Variants in NAV2 observed in about 807,000 individuals in gnomAD.
NAV2 encodes the protein neuron navigator 2, also known as helicase, APC down-regulated 1.
NAV2 carries 54 observed loss-of-function variants against 223.2 expected under a neutral mutation model. The ratio of observed to expected loss-of-function variants is 0.24; its 90% CI spans 0.19 to 0.30. NAV2 has a LOEUF of 0.30. Ranked by LOEUF, NAV2 falls within the 10% of genes least tolerant of loss-of-function variation. NAV2 has a pLI of 1.00. For missense variants in NAV2, 2,806 were observed against 3,147.5 expected (o/e 0.89, Z 2.60); for synonymous variants, 1,279 against 1,239.3 (o/e 1.03, Z -0.67).
At chr11:19,404,604 C>T (rs1849818353) in intron 1 of NAV2, among the ~76,000 whole-genome samples, 1 of 152,084 alleles carries the variant, frequency 6.6e-6, no homozygotes, top group Non-Finnish European at 1.5e-5. Flanking sequence ...GTATGGTATA[C>T]TGCATTGCAA....
At chr11:20,019,524 A>G (rs1311133795) in intron 11 of NAV2, among the ~76,000 whole-genome samples, 2 of 152,168 alleles carry the variant, frequency 1.3e-5, no homozygotes, top group African/African-American at 4.8e-5. Context: ...TTCACCTAGT[A>G]TTTGAAGCCA....
intron 6 of NAV2, among the ~76,000 whole-genome samples, chr11:19,929,551 G>A (rs1027575898): frequency 1.3e-5 from 2 of 152,158 alleles, no homozygotes; most frequent in African/African-American, 4.8e-5. Flanking sequence ...ACCTTTTATA[G>A]TCGTAATGAG....
At chr11:19,875,116 C>T (rs1269698324) in intron 4 of NAV2, among the ~76,000 whole-genome samples, 4 of 152,138 alleles carry the variant, frequency 2.6e-5, no homozygotes, top group Non-Finnish European at 5.9e-5. Flanking sequence ...GGGATTGTGC[C>T]ACTGCACTCC....
intron 1 of NAV2, among the ~76,000 whole-genome samples, chr11:19,482,187 G>A (rs967070785): frequency 6.6e-6 from 1 of 152,090 alleles, no homozygotes; most frequent in Admixed American, 6.5e-5. Flanking sequence ...AACCCAAGAA[G>A]GCAAGTACCA....
intron 1 of NAV2, among the ~76,000 whole-genome samples, chr11:19,602,769 T>C (rs551370277): frequency 1.6e-4 from 25 of 152,112 alleles, no homozygotes; most frequent in Non-Finnish European, 3.2e-4. Context: ...CTTCTCCCCT[T>C]CTCTTCTCTT....
intron 1 of NAV2, among the ~76,000 whole-genome samples, chr11:19,508,006 G>C (rs1409952882): frequency 6.6e-6 from 1 of 152,200 alleles, no homozygotes; most frequent in African/African-American, 2.4e-5. Flanking sequence ...TGAAGCCTAA[G>C]AGACATGCAT....
rs75450344 is a variant in NAV2 at position 19,938,842 on chromosome 11, C to T, written c.2034-819C>T. Among the ~76,000 whole-genome samples the T allele has an allele frequency of 1.9e-3, 293 of 152,282 alleles. 1 individual carries two copies. The highest frequency in any genetic ancestry group is 6.7e-3 in the African/African-American group (280 of 41,556). ...ACTTGAGGTTTATCAGTACATCCCCCGTGGTCCATTCTCATTCTGGGCAAA... is the reference window on the plus strand; with the variant it reads ...ACTTGAGGTTTATCAGTACATCCCCTGTGGTCCATTCTCATTCTGGGCAAA... On this transcript the variant is annotated intron_variant, in intron 7 of 37. Transcript: ENST00000349880.
At chr11:19,433,988 A>G (rs966187615) in intron 1 of NAV2, among the ~76,000 whole-genome samples, 2 of 152,274 alleles carry the variant, frequency 1.3e-5, no homozygotes, top group Non-Finnish European at 2.9e-5. Flanking sequence ...AGAGAGAGCA[A>G]GAAGTATCAT....
At chr11:19,556,888 C>A (rs1220874442) in intron 1 of NAV2, among the ~76,000 whole-genome samples, 1 of 152,132 alleles carries the variant, frequency 6.6e-6, no homozygotes, top group Non-Finnish European at 1.5e-5. Flanking sequence ...ATAAAAACGT[C>A]ATTTTTCCTA....
chr11:20,083,799 G>A (rs1334939683), intron 26 of NAV2, among the ~76,000 whole-genome samples: 1 of 152,184 alleles, frequency 6.6e-6, no homozygotes, highest in Non-Finnish European at 1.5e-5. Context: ...CTACTTCACT[G>A]GATTCTTGGG....
intron 1 of NAV2, among the ~76,000 whole-genome samples, chr11:19,563,037 G>T (rs113105117): frequency 0.064 from 9,666 of 151,640 alleles, 473 homozygotes; most frequent in East Asian, 0.17. Context: ...TTAACATCTG[G>T]ACCTATCAGA....
intron 1 of NAV2, among the ~76,000 whole-genome samples, chr11:19,550,564 C>A (rs2044658207): frequency 6.6e-6 from 1 of 152,186 alleles, no homozygotes; most frequent in South Asian, 2.1e-4. Context: ...CTGCAAGCAG[C>A]ATTGCAAGCA....
At chr11:19,513,188 G>C (rs1427683930) in intron 1 of NAV2, among the ~76,000 whole-genome samples, 1 of 152,126 alleles carries the variant, frequency 6.6e-6, no homozygotes, top group African/African-American at 2.4e-5. Context: ...TGACTTGTTT[G>C]GTGGTGTTTC....
At chr11:19,448,941 G>A (rs1369020090) in intron 1 of NAV2, among the ~76,000 whole-genome samples, 1 of 152,170 alleles carries the variant, frequency 6.6e-6, no homozygotes, top group East Asian at 1.9e-4. Flanking sequence ...TGTTTAGAGT[G>A]CAGTTATTTA....
intron 1 of NAV2, among the ~76,000 whole-genome samples, chr11:19,466,335 G>T (rs528676742): frequency 6.6e-6 from 1 of 152,130 alleles, no homozygotes; most frequent in Non-Finnish European, 1.5e-5. Context: ...TGCCCCAATC[G>T]TGCCTGTCCC....
At chr11:19,954,907 GTATA>G (rs1301437040) in intron 10 of NAV2, among the ~76,000 whole-genome samples, 8 of 29,086 alleles carry the variant, frequency 2.8e-4, no homozygotes, top group African/African-American at 1.1e-3. Flanking sequence ...ATATATATGT[GTATA>G]TATGTGTGTG....
intron 1 of NAV2, among the ~76,000 whole-genome samples, chr11:19,681,493 G>A (rs192550010): frequency 6.6e-6 from 1 of 152,306 alleles, no homozygotes; most frequent in Admixed American, 6.5e-5. Flanking sequence ...GCTGAGTTGA[G>A]ATCAGGTTTA....
In NAV2 at chr11:19,547,682, G is replaced by A. The variant is rs977241352; in HGVS notation, c.75+196655G>A. Among the ~76,000 whole-genome samples the A allele has an allele frequency of 4.6e-5, 7 of 152,066 alleles. No individual in the cohort carries two copies. The South Asian group carries it at 8.3e-4, about 18-fold the overall frequency. ...GGAAGGGAGTGGGGGCTGAGAGCCCGGGGGACAAGTAGGACCCCCTCTCTT... is the reference window on the plus strand; with the variant it reads ...GGAAGGGAGTGGGGGCTGAGAGCCCAGGGGACAAGTAGGACCCCCTCTCTT... On this transcript the variant is annotated intron_variant, in intron 1 of 37. Transcript: ENST00000360655.
rs537599054 is a variant in NAV2, at chr11:19,942,378, A to G, written c.2146+2605A>G. On this transcript the variant is annotated intron_variant, in intron 8 of 37. Transcript: ENST00000349880. ...CCCACAAGAGGGAAACAGGACACTC[A>G]TATTTACTGAGCCCTCATTTTGTGC... 5.3e-5 allele frequency among the ~76,000 whole-genome samples: 8 copies of G among 152,284 alleles called. No homozygotes were observed. In the East Asian group the frequency reaches 1.5e-3, roughly 29 times the overall value.
Sources: allele counts gnomAD v4.1 joint callset (sites outside exome capture counted in the v4.1 genomes callset), GRCh38; gene constraint gnomAD v4.1.1; transcripts MANE v1.5; gene names NCBI Gene and HGNC (gene_info 2026-07-23, HGNC 2026-07-21).